FNBP1: variants seen among roughly 807,000 people sequenced by gnomAD.
FNBP1 encodes the protein formin binding protein 1, also known as formin-binding protein 1.
Under a neutral mutation model 90.6 loss-of-function variants are expected in FNBP1, and 26 were observed. The ratio of observed to expected loss-of-function variants is 0.29; its 90% CI spans 0.21 to 0.40. The LOEUF is 0.40. Among genes scored for constraint, FNBP1 ranks in the 10% least tolerant of loss-of-function variants. The pLI is 1.00. For missense variants in FNBP1, 635 were observed against 768.0 expected (o/e 0.83, Z 2.05); for synonymous variants, 260 against 265.2 (o/e 0.98, Z 0.19).
In FNBP1 at chr9:129,923,773, A is replaced by C. The variant is rs1382259188; in HGVS notation, c.1170+71T>G. On this transcript the variant is annotated intron_variant, in intron 10 of 16. Transcript: ENST00000446176. ...AACACAATGGATTCATTCACAAACA[A>C]AATTAGTTATGCAGAACCAAACATG... 8 of 1,436,858 alleles carry C rather than the reference A, an allele frequency of 5.6e-6. No homozygotes were observed. The East Asian group carries it at 1.7e-4, about 31-fold the overall frequency. 89.0% of individuals were successfully genotyped at this position (1,436,858 alleles called of 1,614,324 possible). A position where few individuals can be genotyped will look rare whatever the true frequency, so the allele number is the denominator to read the frequency against.
chr9:129,910,356 C>A (rs1221605574), intron 11 of FNBP1, among the ~76,000 whole-genome samples: 1 of 151,906 alleles, frequency 6.6e-6, no homozygotes, highest in Non-Finnish European at 1.5e-5. Flanking sequence ...GTGGCGAGCG[C>A]CTATAATCCC....
At chr9:129,964,942 C>G (rs1057260676) in intron 4 of FNBP1, among the ~76,000 whole-genome samples, 1 of 151,212 alleles carries the variant, frequency 6.6e-6, no homozygotes, top group Non-Finnish European at 1.5e-5. Context: ...AAATAAAACT[C>G]AGATTCCACA....
At chr9:129,922,543 G>A (rs1380358646) in intron 10 of FNBP1, among the ~76,000 whole-genome samples, 6 of 152,166 alleles carry the variant, frequency 3.9e-5, no homozygotes, top group Non-Finnish European at 5.9e-5. Flanking sequence ...GGGCTTCATA[G>A]GGTGGCTGGA....
At chr9:129,917,829 T>C (rs1188266858) in intron 10 of FNBP1, among the ~76,000 whole-genome samples, 4 of 152,210 alleles carry the variant, frequency 2.6e-5, no homozygotes, top group African/African-American at 9.6e-5. Context: ...CAGTCTACAG[T>C]GATTCCAGCC....
intron 6 of FNBP1, among the ~76,000 whole-genome samples, chr9:129,942,366 G>A (rs1345726402): frequency 2.6e-5 from 4 of 152,094 alleles, no homozygotes; most frequent in Admixed American, 1.3e-4. Context: ...AATAATGGCC[G>A]CCCCCTTTAC....
chr9:129,939,385 G>A (rs1291978054), intron 6 of FNBP1, among the ~76,000 whole-genome samples: 4 of 148,082 alleles, frequency 2.7e-5, no homozygotes, highest in East Asian at 2.0e-4. Context: ...GCAAGCCTCC[G>A]TCCCGAAAAA....
chr9:129,915,592 G>T (rs1008005410), intron 11 of FNBP1, among the ~76,000 whole-genome samples: 1 of 152,114 alleles, frequency 6.6e-6, no homozygotes, highest in Non-Finnish European at 1.5e-5. Context: ...TCGAACTCCT[G>T]AGCTCAGGCA....
chr9:130,052,323 T>G, the FNBP1 span, among the ~76,000 whole-genome samples: 1 of 152,178 alleles, frequency 6.6e-6, no homozygotes, highest in African/African-American at 2.4e-5. Flanking sequence ...ATGAACCCAG[T>G]TTTAAGCCCT....
chr9:129,939,802 A>C (rs1025549012), intron 6 of FNBP1, among the ~76,000 whole-genome samples: 13 of 152,192 alleles, frequency 8.5e-5, no homozygotes, highest in African/African-American at 2.9e-4. Context: ...TCATACAAAA[A>C]AGGTAGTAAT....
the FNBP1 span, chr9:130,053,668 T>C: frequency 1.9e-6 from 1 of 528,996 alleles, no homozygotes; most frequent in Non-Finnish European, 3.4e-6. Flanking sequence ...CGGGCTGGTC[T>C]GGTTCGGCCA....
chr9:130,015,927 G>A (rs952727163), intron 1 of FNBP1, among the ~76,000 whole-genome samples: 10 of 152,022 alleles, frequency 6.6e-5, no homozygotes, highest in South Asian at 4.1e-4. Flanking sequence ...CACCTGCCTC[G>A]GTCTCCCAAA....
At chr9:129,990,239 TTTTGTCAATTTTCAAAACTAA>T (rs2052914437) in intron 2 of FNBP1, among the ~76,000 whole-genome samples, 1 of 152,212 alleles carries the variant, frequency 6.6e-6, no homozygotes, top group South Asian at 2.1e-4. Flanking sequence ...GAAATACATA[TTTTGTCAATTTTCAAAACTAA>T]ACAAGAAAAC....
At chr9:129,938,285 G>A (rs1157589501) in intron 6 of FNBP1, among the ~76,000 whole-genome samples, 3 of 152,238 alleles carry the variant, frequency 2.0e-5, no homozygotes, top group South Asian at 2.1e-4. Context: ...GATGATAAAC[G>A]GCATTGTTTA....
chr9:129,912,931 C>T lies in FNBP1; in HGVS notation c.1185+3035G>A, dbSNP rs552372688. ...TATTTAATTTTAATTAATTAAAACTCAACAGCGGTTGGGCGTGGTGGCTCA... is the reference window on the plus strand; with the variant it reads ...TATTTAATTTTAATTAATTAAAACTTAACAGCGGTTGGGCGTGGTGGCTCA... On this transcript the variant is annotated intron_variant, in intron 11 of 16. Transcript: ENST00000446176. Among the ~76,000 whole-genome samples the T allele has an allele frequency of 6.6e-5, 10 of 152,064 alleles. No homozygotes were observed. In the South Asian group the frequency reaches 1.9e-3, roughly 28 times the overall value.
intron 1 of FNBP1, among the ~76,000 whole-genome samples, chr9:130,019,677 G>C (rs2057614532): frequency 6.6e-6 from 1 of 152,142 alleles, no homozygotes; most frequent in African/African-American, 2.4e-5. Context: ...GATCTTTGGA[G>C]TAATGGCTAG....
chr9:129,985,043 T>G (rs2051940059), intron 2 of FNBP1, among the ~76,000 whole-genome samples: 1 of 152,094 alleles, frequency 6.6e-6, no homozygotes. Context: ...TCTAACAAAG[T>G]TTCAGAAGAA....
rs1298095363 is a variant in FNBP1 at position 129,910,504 on chromosome 9, A to AAAAAAAAAAAG, written c.1186-1506_1186-1505insCTTTTTTTTTT. 8.6e-5 allele frequency among the ~76,000 whole-genome samples: 9 copies of AAAAAAAAAAAG among 104,110 alleles called. 1 individual carries two copies. Among genetic ancestry groups the AAAAAAAAAAAG allele is most frequent in the Non-Finnish European group, 9.2e-5 (5 of 54,608 alleles). 68.3% of individuals were successfully genotyped at this position (104,110 alleles called of 152,430 possible). Reference sequence around the variant, plus strand: ...CTCAAAAAAACAAAAAAAAAAAAAAAAGAGAGAGAGAAATTTCTTCAAATA... The same window carrying AAAAAAAAAAAG: ...CTCAAAAAAACAAAAAAAAAAAAAAAAAAAAAAAAAGAGAGAGAGAGAAATTTCTTCAAATA... On this transcript the variant is annotated intron_variant, in intron 11 of 16. Transcript: ENST00000446176.
At chr9:129,948,743 A>G (rs1564406860) in intron 6 of FNBP1, among the ~76,000 whole-genome samples, 1 of 151,954 alleles carries the variant, frequency 6.6e-6, no homozygotes, top group Non-Finnish European at 1.5e-5. Context: ...GAGTTTCACC[A>G]TTTGGCCAGC....
chr9:129,938,284 C>T (rs1433412415), intron 6 of FNBP1, among the ~76,000 whole-genome samples: 1 of 152,136 alleles, frequency 6.6e-6, no homozygotes. Context: ...GGATGATAAA[C>T]GGCATTGTTT....
Sources: gnomAD v4.1 joint callset for allele counts (sites outside exome capture counted in the v4.1 genomes callset) on GRCh38, gnomAD v4.1.1 for gene constraint, MANE v1.5 for transcripts, NCBI Gene and HGNC (gene_info 2026-07-23, HGNC 2026-07-21) for gene names.